Variants in ENKUR observed in about 807,000 individuals in gnomAD.
ENKUR encodes enkurin, TRPC channel interacting protein.
ENKUR carries 19 observed loss-of-function variants against 27.6 expected under a neutral mutation model. That is an observed-to-expected ratio of 0.69 (90% CI 0.48 to 1.01). The LOEUF is 1.01. ENKUR is among the 50% of genes least tolerant of loss of function. The pLI, the probability that ENKUR is intolerant of heterozygous loss-of-function variation, is 0.00. For missense variants in ENKUR, 312 were observed against 310.5 expected (o/e 1.00, Z -0.04); for synonymous variants, 117 against 96.9 (o/e 1.21, Z -1.22).
rs566576742 is a variant in ENKUR, at chr10:25,051,992, AT to A, written c.37+9119del. 1.8e-3 allele frequency among the ~76,000 whole-genome samples: 271 copies of A among 152,340 alleles called. 1 individual carries two copies. The highest frequency in any genetic ancestry group is 6.3e-3 in the African/African-American group (261 of 41,580). ...CATTTATAAAATAATGTTATTTTCA[AT>A]TGTTTTAATAGAAAAAAATTCACAT... is the stretch of plus-strand genomic sequence containing the variant. On this transcript the variant is annotated intron_variant, in intron 2 of 5. Coordinates refer to the ENKUR transcript ENST00000615958.
intron 2 of ENKUR, among the ~76,000 whole-genome samples, chr10:24,996,377 A>T (rs1588653347): frequency 6.6e-6 from 1 of 152,114 alleles, no homozygotes; most frequent in East Asian, 1.9e-4. Context: ...AACCGAGATC[A>T]TGCCATTGTA....
Position 24,982,978 on chromosome 10 carries a change from C to G in ENKUR, c.*1392G>C, listed in dbSNP as rs1244135314. 6.6e-6 allele frequency: 1 copy of G among 152,118 alleles called. No homozygotes were observed. Among genetic ancestry groups the G allele is most frequent in the Admixed American group, 6.5e-5 (1 of 15,272 alleles). 9.4% of individuals were successfully genotyped at this position (152,118 alleles called of 1,614,324 possible). A position where few individuals can be genotyped will look rare whatever the true frequency, so the allele number is the denominator to read the frequency against. On this transcript the variant is annotated 3_prime_UTR_variant, in exon 6 of 6. Coordinates refer to ENST00000331161, the MANE Select transcript of ENKUR (RefSeq NM_145010.4). ...AAGTAATCAGAATATTTTTGCATTG[C>G]TACTGATTTTGAATTATTTAAAAAT...
At chr10:25,020,973 T>G (rs368627781), upstream of ENKUR, among the ~76,000 whole-genome samples, 10 of 152,190 alleles carry the variant, frequency 6.6e-5, no homozygotes, top group African/African-American at 1.9e-4. Context: ...TAAAATAAAT[T>G]GATGTTATGG....
upstream of ENKUR, among the ~76,000 whole-genome samples, chr10:25,020,244 C>CTA (rs752648548): frequency 8.0e-6 from 1 of 124,486 alleles, no homozygotes; most frequent in Non-Finnish European, 1.8e-5. Context: ...TAAAATATAT[C>CTA]TATATCTATA....
chr10:25,049,303 C>T (rs770502008), intron 2 of ENKUR, among the ~76,000 whole-genome samples: 2 of 152,024 alleles, frequency 1.3e-5, no homozygotes, highest in Non-Finnish European at 2.9e-5. Context: ...TTGCTAGGTA[C>T]TGGGGAAACT....
Position 24,984,286 on chromosome 10 carries a change from G to C in ENKUR, c.*84C>G. 6.9e-7 allele frequency: 1 copy of C among 1,453,648 alleles called. No individual in the cohort carries two copies. The highest frequency in any genetic ancestry group is 9.4e-7 in the Non-Finnish European group (1 of 1,062,176). 90.0% of individuals were successfully genotyped at this position (1,453,648 alleles called of 1,614,324 possible). On this transcript the variant is annotated 3_prime_UTR_variant, in exon 6 of 6. Transcript: ENST00000331161. ...TGTGGAGCTCAGAAACAATGTGTTG[G>C]AGACAGTTTAGAGTAGCAAGAAGGC...
intron 2 of ENKUR, among the ~76,000 whole-genome samples, chr10:25,051,262 G>C (rs1369652607): frequency 6.6e-6 from 1 of 152,186 alleles, no homozygotes; most frequent in East Asian, 1.9e-4. Context: ...TCTACAGTTT[G>C]AGATAACATT....
chr10:24,985,644 T>G (rs1263323948), intron 4 of ENKUR, among the ~76,000 whole-genome samples: 2 of 152,262 alleles, frequency 1.3e-5, no homozygotes, highest in Non-Finnish European at 2.9e-5. Context: ...AAGTTATTTC[T>G]GTTTCTGCAT....
At chr10:25,045,094 A>C (rs546162895) in intron 2 of ENKUR, among the ~76,000 whole-genome samples, 42 of 152,312 alleles carry the variant, frequency 2.8e-4, no homozygotes, top group Non-Finnish European at 4.4e-4. Flanking sequence ...GCCCTATTTC[A>C]AGGGTTGAAA....
intron 2 of ENKUR, among the ~76,000 whole-genome samples, chr10:25,050,557 A>G (rs569074432): frequency 6.6e-6 from 1 of 152,266 alleles, no homozygotes; most frequent in South Asian, 2.1e-4. Context: ...CCATGATTCA[A>G]TTACCTCCCA....
chr10:25,012,557 C>A (rs1850475573), intron 1 of ENKUR, among the ~76,000 whole-genome samples: 1 of 152,218 alleles, frequency 6.6e-6, no homozygotes. Context: ...CAAAGGAGAT[C>A]ATTTTGGAAC....
At chr10:25,059,131 TC>T (rs376322547) in intron 2 of ENKUR, among the ~76,000 whole-genome samples, 7 of 141,002 alleles carry the variant, frequency 5.0e-5, no homozygotes, top group Admixed American at 3.4e-4. Context: ...TCTTTTTCTT[TC>T]TTTTTTTTTT....
At chr10:25,031,996 A>G (rs1162369159) in intron 2 of ENKUR, among the ~76,000 whole-genome samples, 4 of 152,034 alleles carry the variant, frequency 2.6e-5, no homozygotes, top group Non-Finnish European at 4.4e-5. Context: ...TATAGTTAGA[A>G]AATTCATTTG....
At chr10:25,027,627 G>A (rs983411969) in intron 2 of ENKUR, among the ~76,000 whole-genome samples, 1 of 151,360 alleles carries the variant, frequency 6.6e-6, no homozygotes, top group African/African-American at 2.4e-5. Flanking sequence ...AGTGGCTCAT[G>A]CCTGTAATCC....
At chr10:25,031,794 A>G (rs899932377) in intron 2 of ENKUR, among the ~76,000 whole-genome samples, 3 of 136,362 alleles carry the variant, frequency 2.2e-5, no homozygotes, top group African/African-American at 8.7e-5. Flanking sequence ...TCATGGATAC[A>G]AAAGTCTTTT....
intron 2 of ENKUR, chr10:25,023,455 A>G (rs1266698962): frequency 5.6e-6 from 9 of 1,614,066 alleles, no homozygotes; most frequent in Non-Finnish European, 7.6e-6. Flanking sequence ...AATAGGTCAG[A>G]AACTAGGTTG....
At chr10:25,008,574 AT>A (rs1850367650) in intron 1 of ENKUR, among the ~76,000 whole-genome samples, 1 of 152,238 alleles carries the variant, frequency 6.6e-6, no homozygotes, top group South Asian at 2.1e-4. Context: ...TGAAACACTG[AT>A]TATGTGTTAC....
At chr10:25,014,646 G>A (rs971329262) in intron 1 of ENKUR, among the ~76,000 whole-genome samples, 1 of 152,128 alleles carries the variant, frequency 6.6e-6, no homozygotes, top group Non-Finnish European at 1.5e-5. Flanking sequence ...TGTTATAGAG[G>A]AGTTTTATCT....
intron 2 of ENKUR, among the ~76,000 whole-genome samples, chr10:25,039,759 G>A (rs1234000054): frequency 1.3e-5 from 2 of 151,978 alleles, no homozygotes; most frequent in African/African-American, 4.8e-5. Flanking sequence ...ATGACCCTGT[G>A]GATCAGGAAT....
Sources: allele counts gnomAD v4.1 joint callset (sites outside exome capture counted in the v4.1 genomes callset), GRCh38; gene constraint gnomAD v4.1.1; transcripts MANE v1.5; gene names NCBI Gene and HGNC (gene_info 2026-07-23, HGNC 2026-07-21).